Variants in TMC2 observed in about 807,000 individuals in gnomAD.
TMC2 encodes transmembrane channel-like protein 2.
A neutral mutation model predicts 105.9 loss-of-function variants in TMC2; 102 were observed. The ratio of observed to expected loss-of-function variants is 0.96; its 90% CI spans 0.82 to 1.14. TMC2 has a LOEUF of 1.14. TMC2 is among the 50% of genes most tolerant of loss of function. The pLI is 0.00. For missense variants in TMC2, 1,093 were observed against 1,134.3 expected (o/e 0.96, Z 0.52); for synonymous variants, 402 against 422.8 (o/e 0.95, Z 0.60).
In TMC2 at chr20:2,610,540, T is replaced by A; in HGVS notation, c.1535T>A (p.Leu512His). 2 of 1,613,528 alleles carry A rather than the reference T, an allele frequency of 1.2e-6. No individual in the cohort carries two copies. Among genetic ancestry groups the A allele is most frequent in the Non-Finnish European group, 1.7e-6 (2 of 1,179,694 alleles). ...TGGCAGCTGGGACGCATCTTTGCACTCTTCCTGGGGAACCTCTACACATTT... is the reference window on the plus strand; with the variant it reads ...TGGCAGCTGGGACGCATCTTTGCACACTTCCTGGGGAACCTCTACACATTT... ...LKWQLGRIFA[L>H]FLGNLYTFLL... Residue 512 changes from leucine to histidine, a missense_variant, in exon 12 of 20, where the codon CTC becomes CAC. Transcript: ENST00000358864.
chr20:2,600,823 C>CA (rs1243434837), intron 10 of TMC2, among the ~76,000 whole-genome samples: 4,449 of 118,744 alleles, frequency 0.037, 240 homozygotes, highest in African/African-American at 0.13. Context: ...GACTCGGTCT[C>CA]AAAAAAAAAA....
chr20:2,614,158 G>A (rs1355976295), intron 14 of TMC2: 1 of 152,142 alleles, frequency 6.6e-6, no homozygotes, highest in Non-Finnish European at 1.5e-5. Flanking sequence ...AAAGAACTTT[G>A]TGCTCAAAGA....
chr20:2,537,375 G>C, intron 2 of TMC2, 59 bp downstream of exon 2: 1 of 1,383,316 alleles, frequency 7.2e-7, no homozygotes. Context: ...CCTCTGCTTA[G>C]CCCAACAGTC....
At chr20:2,620,464 C>T (rs775011440) in intron 16 of TMC2, among the ~76,000 whole-genome samples, 1 of 152,204 alleles carries the variant, frequency 6.6e-6, no homozygotes, top group African/African-American at 2.4e-5. Context: ...TCAACCATCA[C>T]ATCAGAAGTC....
chr20:2,640,406 AG>A (rs2086680067), intron 19 of TMC2, among the ~76,000 whole-genome samples: 1 of 152,190 alleles, frequency 6.6e-6, no homozygotes, highest in Non-Finnish European at 1.5e-5. Context: ...TGCAACAAAG[AG>A]GCCCAAAATG....
intron 17 of TMC2, among the ~76,000 whole-genome samples, chr20:2,631,612 T>C (rs1004781253): frequency 2.0e-5 from 3 of 152,172 alleles, no homozygotes; most frequent in Admixed American, 2.0e-4. Flanking sequence ...CCATGGTTTA[T>C]ATGAAAAAAC....
chr20:2,613,152 G>A (rs771026885), intron 13 of TMC2, 42 bp from the exon 14 acceptor site: 2 of 1,591,398 alleles, frequency 1.3e-6, no homozygotes, highest in South Asian at 2.3e-5. Context: ...GGAGAAGTGG[G>A]CAAGGTCTCC....
At position 2,592,254 on chromosome 20, in the gene TMC2, C is replaced by T; in HGVS notation, c.835-56C>T. The T allele has an allele frequency of 4.4e-6, 5 of 1,132,576 alleles. No individual in the cohort carries two copies. The highest frequency in any genetic ancestry group is 1.3e-5 in the South Asian group (1 of 79,370). 70.2% of individuals were successfully genotyped at this position (1,132,576 alleles called of 1,614,324 possible). Reference sequence around the variant, plus strand: ...AGCATTTACCCCAGTATATGAATGTCTCTGTGTGTTTGTATTTCCTCCACT... The same window carrying T: ...AGCATTTACCCCAGTATATGAATGTTTCTGTGTGTTTGTATTTCCTCCACT... On this transcript the variant is annotated intron_variant, in intron 7 of 19. Coordinates refer to ENST00000358864, the MANE Select transcript of TMC2 (RefSeq NM_080751.3). The surrounding 1 kb of genome is among the most constrained non-coding windows in gnomAD (Gnocchi z 4.9).
intron 2 of TMC2, among the ~76,000 whole-genome samples, chr20:2,550,602 A>G (rs1328297171): frequency 6.6e-6 from 1 of 152,120 alleles, no homozygotes; most frequent in African/African-American, 2.4e-5. Context: ...ACAGAATAAT[A>G]TGCCCCCAAA....
At position 2,592,734 on chromosome 20, in the gene TMC2, C is replaced by T. The variant is rs2086278330; in HGVS notation, c.933+326C>T. 6.6e-6 allele frequency among the ~76,000 whole-genome samples: 1 copy of T among 152,188 alleles called. No homozygotes were observed. The highest frequency in any genetic ancestry group is 2.4e-5 in the African/African-American group (1 of 41,448). On this transcript the variant is annotated intron_variant, in intron 8 of 19. Transcript: ENST00000358864. The surrounding 1 kb of genome is among the most constrained non-coding windows in gnomAD (Gnocchi z 4.9). The stretch of plus-strand genomic sequence containing the variant: ...CATTAAGACCCCAGATCTATCTCCA[C>T]TCCAGGCTTCCCCAAGTTTCACATG...
chr20:2,575,296 A>T (rs2086135716), intron 5 of TMC2, among the ~76,000 whole-genome samples: 2 of 152,214 alleles, frequency 1.3e-5, no homozygotes, highest in Non-Finnish European at 2.9e-5. Context: ...ACAGTCCCTC[A>T]AATAGTACTG....
chr20:2,565,274 C>G (rs951099018), intron 4 of TMC2, among the ~76,000 whole-genome samples: 1 of 152,208 alleles, frequency 6.6e-6, no homozygotes, highest in African/African-American at 2.4e-5. Flanking sequence ...TCACAATCAC[C>G]CTGTGATGTC....
chr20:2,569,015 A>G (rs555424308), intron 4 of TMC2, among the ~76,000 whole-genome samples: 1 of 152,316 alleles, frequency 6.6e-6, no homozygotes, highest in South Asian at 2.1e-4. Flanking sequence ...ACACAGCTCC[A>G]CAACACCTTC....
At chr20:2,580,389 C>T (rs2086180954) in intron 7 of TMC2, among the ~76,000 whole-genome samples, 1 of 152,102 alleles carries the variant, frequency 6.6e-6, no homozygotes, top group South Asian at 2.1e-4. Context: ...TACTTTGTTC[C>T]TTAATTAGTA....
At chr20:2,609,127 A>G (rs900699515) in intron 11 of TMC2, among the ~76,000 whole-genome samples, 18 of 152,320 alleles carry the variant, frequency 1.2e-4, no homozygotes, top group African/African-American at 3.4e-4. Context: ...CTTATTAGCA[A>G]TGGAGTCAGG....
intron 4 of TMC2, among the ~76,000 whole-genome samples, chr20:2,569,036 C>T (rs112851901): frequency 0.042 from 6,434 of 152,182 alleles, 465 homozygotes; most frequent in African/African-American, 0.15. Context: ...TTCCATCTGC[C>T]CTAAGACGGA....
chr20:2,641,100 C>T (rs2086684911), intron 19 of TMC2, 34 bp from the exon 20 acceptor site: 2 of 1,591,212 alleles, frequency 1.3e-6, no homozygotes, highest in South Asian at 1.1e-5. Flanking sequence ...CAAAATCTCC[C>T]ACTTCCTCTT....
intron 3 of TMC2, among the ~76,000 whole-genome samples, chr20:2,559,073 TGGAGAGGTG>T (rs1182017431): frequency 3.4e-4 from 52 of 151,900 alleles, no homozygotes; most frequent in South Asian, 1.9e-3. Context: ...GGGGCGCGGG[TGGAGAGGTG>T]ACAGGGCAGC....
At chr20:2,598,508 G>A (rs998710953) in intron 10 of TMC2, among the ~76,000 whole-genome samples, 4 of 151,928 alleles carry the variant, frequency 2.6e-5, no homozygotes, top group Non-Finnish European at 4.4e-5. Context: ...TCCGGCTCCT[G>A]GGTTCAAGTG....
Sources: gnomAD v4.1 joint callset for allele counts (sites outside exome capture counted in the v4.1 genomes callset) on GRCh38, gnomAD v4.1.1 for gene constraint, Gnocchi (gnomAD v3.1) non-coding constraint, MANE v1.5 for transcripts, NCBI Gene and HGNC (gene_info 2026-07-23, HGNC 2026-07-21) for gene names.